MYOT: variants seen among roughly 807,000 people sequenced by gnomAD.
The protein encoded by MYOT is myotilin.
MYOT carries 36 observed loss-of-function variants against 58.0 expected under a neutral mutation model. The ratio of observed to expected loss-of-function variants is 0.62; its 90% CI spans 0.48 to 0.82. The LOEUF is 0.82. Among genes scored for constraint, MYOT ranks in the 40% least tolerant of loss-of-function variants. The probability of loss-of-function intolerance (pLI) is 0.00; values close to 1 mark genes in which losing one functional copy is unlikely to be tolerated. For synonymous variants in MYOT, 218 were observed against 204.6 expected, an observed-to-expected ratio of 1.07 and a Z score of -0.56; for missense variants, 505 against 592.1, an observed-to-expected ratio of 0.85 and a Z score of 1.53.
intron 2 of MYOT, among the ~76,000 whole-genome samples, chr5:137,871,450 T>G (rs986147006): frequency 1.3e-5 from 2 of 152,236 alleles, no homozygotes; most frequent in African/African-American, 4.8e-5. Flanking sequence ...CTATTAAGTT[T>G]CTTCTCAGTC....
chr5:137,876,048 A>T, intron 3 of MYOT, 45 bp downstream of exon 3: 1 of 1,593,900 alleles, frequency 6.3e-7, no homozygotes, highest in South Asian at 1.1e-5. Flanking sequence ...TTAAACTATA[A>T]AATCTAATTT....
chr5:137,877,080 T>TGGA (rs1755248726), intron 3 of MYOT, among the ~76,000 whole-genome samples: 1 of 144,218 alleles, frequency 6.9e-6, no homozygotes, highest in Non-Finnish European at 1.5e-5. Context: ...AAAAAAAAAA[T>TGGA]AGAATCAGCC....
At chr5:137,886,819 A>G (rs888366417) in intron 8 of MYOT, 45 bp from the exon 9 acceptor site, 22 of 1,395,932 alleles carry the variant, frequency 1.6e-5, no homozygotes, top group Non-Finnish European at 2.1e-5. Context: ...TCCACTTCAC[A>G]GAAATAATTC....
chr5:137,875,813 T>C lies in MYOT; in HGVS notation c.357-16T>C. The C allele has an allele frequency of 6.2e-7, 1 of 1,613,816 alleles. No individual in the cohort carries two copies. Among genetic ancestry groups the C allele is most frequent in the East Asian group, 2.2e-5 (1 of 44,856 alleles). ...AGACCTTCTTTTTAAAAATCTTTTC[T>C]TTTTCCTTTTTAAAGCTATCAACAG... On this transcript the variant is annotated splice_polypyrimidine_tract_variant and intron_variant, in intron 2 of 9. Transcript: ENST00000239926.
At position 137,870,610 on chromosome 5, in the gene MYOT, T is replaced by C; in HGVS notation, c.-42T>C. On this transcript the variant is annotated 5_prime_UTR_variant, in exon 2 of 10. Coordinates refer to ENST00000239926, the MANE Select transcript of MYOT (RefSeq NM_006790.3). ...CCCCACCCTTCCAGGAACAAATCAT[T>C]ATAGTAATAATTTGCCTTCATCTTC... 2 of 1,547,498 alleles carry C rather than the reference T, an allele frequency of 1.3e-6. No homozygotes were observed. Among genetic ancestry groups the C allele is most frequent in the African/African-American group, 1.4e-5 (1 of 73,512 alleles).
chr5:137,884,699 C>T (rs1755540152), intron 7 of MYOT, among the ~76,000 whole-genome samples: 1 of 152,014 alleles, frequency 6.6e-6, no homozygotes, highest in East Asian at 1.9e-4. Flanking sequence ...ACAAGTATAA[C>T]GCTAATATTC....
At chr5:137,871,150 C>A in intron 2 of MYOT, 143 bp downstream of exon 2, 1 of 757,890 alleles carries the variant, frequency 1.3e-6, no homozygotes, top group Non-Finnish European at 2.2e-6. Flanking sequence ...TTCCATAGTT[C>A]TACTAGAACA....
At chr5:137,874,967 C>CA (rs1387440466) in intron 2 of MYOT, among the ~76,000 whole-genome samples, 1 of 152,104 alleles carries the variant, frequency 6.6e-6, no homozygotes, top group African/African-American at 2.4e-5. Flanking sequence ...AATCACTGGA[C>CA]AAAAGAGCCA....
At chr5:137,885,920 G>T in intron 7 of MYOT, 128 bp from the exon 8 acceptor site, 2 of 601,706 alleles carry the variant, frequency 3.3e-6, no homozygotes, top group East Asian at 5.9e-5. Flanking sequence ...CTTTTTTACT[G>T]AGTTTCTTTC....
At chr5:137,871,606 G>A (rs1251659923) in intron 2 of MYOT, among the ~76,000 whole-genome samples, 3 of 152,216 alleles carry the variant, frequency 2.0e-5, no homozygotes, top group Non-Finnish European at 4.4e-5. Flanking sequence ...GGCCTGAATA[G>A]ATGAAGGCTT....
chr5:137,877,373 A>AG, intron 3 of MYOT, 147 bp from the exon 4 acceptor site: 5 of 528,400 alleles, frequency 9.5e-6, no homozygotes, highest in Middle Eastern at 5.6e-4. Context: ...GTCTCAAAAA[A>AG]AAAAAAAAAA....
At chr5:137,868,529 CAT>C (rs1435957965) in intron 1 of MYOT, among the ~76,000 whole-genome samples, 2 of 152,226 alleles carry the variant, frequency 1.3e-5, no homozygotes, top group East Asian at 3.9e-4. Flanking sequence ...TATGAAATAA[CAT>C]ATTTTTAATT....
chr5:137,869,094 T>C (rs1292015470), intron 1 of MYOT, among the ~76,000 whole-genome samples: 1 of 152,202 alleles, frequency 6.6e-6, no homozygotes, highest in African/African-American at 2.4e-5. Context: ...TCCTATTATT[T>C]AGGATGAAAC....
chr5:137,871,234 A>G (rs1755041696), intron 2 of MYOT, among the ~76,000 whole-genome samples: 1 of 152,192 alleles, frequency 6.6e-6, no homozygotes, highest in African/African-American at 2.4e-5. Context: ...GAATCCAATT[A>G]CCTATTACCC....
intron 2 of MYOT, among the ~76,000 whole-genome samples, chr5:137,874,996 G>A (rs933292652): frequency 3.9e-5 from 6 of 152,126 alleles, no homozygotes; most frequent in Non-Finnish European, 5.9e-5. Context: ...GATATTTACC[G>A]ATTTCCCTGG....
Position 137,883,525 on chromosome 5 carries a change from G to T in MYOT, c.958G>T (p.Ala320Ser). The change falls in exon 7 of 10, where the codon GCT becomes TCT. Residue 320 changes from alanine to serine, a missense_variant. Ala to Ser is a moderately conservative substitution (Grantham distance 99, BLOSUM62 1). Transcript: ENST00000239926. ...FEVVRASDAG[A>S]YACVAKNRAG... ...AGTAGTCAGAGCTTCAGATGCAGGG[G>T]CTTATGCATGTGTTGCCAAGAATAG... 2 of 1,614,152 alleles carry T rather than the reference G, an allele frequency of 1.2e-6. No individual in the cohort carries two copies. The highest frequency in any genetic ancestry group is 1.7e-6 in the Non-Finnish European group (2 of 1,180,028).
At chr5:137,880,531 T>C (rs564478424) in intron 4 of MYOT, 2 of 352,638 alleles carry the variant, frequency 5.7e-6, no homozygotes, top group East Asian at 1.2e-4. Flanking sequence ...TCACCCTTTG[T>C]CATAAAATAG....
At chr5:137,875,728 T>C in intron 2 of MYOT, 101 bp from the exon 3 acceptor site, 1 of 994,608 alleles carries the variant, frequency 1.0e-6, no homozygotes, top group South Asian at 1.4e-5. Flanking sequence ...TTTTTAATAA[T>C]ACTAGTAGTA....
At chr5:137,876,140 C>T in intron 3 of MYOT, 137 bp downstream of exon 3, 1 of 909,992 alleles carries the variant, frequency 1.1e-6, no homozygotes, top group Non-Finnish European at 1.7e-6. Flanking sequence ...AATATTTGGG[C>T]CCTATTCCAT....
Sources: gnomAD v4.1 joint callset for allele counts (sites outside exome capture counted in the v4.1 genomes callset) on GRCh38, gnomAD v4.1.1 for gene constraint, MANE v1.5 for transcripts, NCBI Gene and HGNC (gene_info 2026-07-23, HGNC 2026-07-21) for gene names.